Variants in TMEM156 observed in about 807,000 individuals in gnomAD.
TMEM156 encodes the protein transmembrane protein 156.
In TMEM156, 28 loss-of-function variants were observed where a neutral mutation model predicts 30.5. The ratio of observed to expected loss-of-function variants is 0.92; its 90% CI spans 0.68 to 1.26. The LOEUF (loss-of-function observed/expected upper bound fraction) is 1.26. Among genes scored for constraint, TMEM156 ranks in the 50% most tolerant of loss-of-function variants. The probability of loss-of-function intolerance (pLI) is 0.00; values close to 1 mark genes in which losing one functional copy is unlikely to be tolerated. For missense variants in TMEM156, 351 were observed against 340.6 expected, an observed-to-expected ratio of 1.03 and a Z score of -0.24; for synonymous variants, 137 against 119.9, an observed-to-expected ratio of 1.14 and a Z score of -0.93.
intron 5 of TMEM156, among the ~76,000 whole-genome samples, chr4:38,977,147 C>T (rs780477893): frequency 8.5e-5 from 13 of 152,136 alleles, no homozygotes; most frequent in Non-Finnish European, 1.3e-4. Context: ...TCAAGTGATC[C>T]GCCCACCTCG....
chr4:39,017,354 T>G (rs1714569841), intron 1 of TMEM156, among the ~76,000 whole-genome samples: 1 of 150,888 alleles, frequency 6.6e-6, no homozygotes, highest in Admixed American at 6.6e-5. Context: ...TTTTTTGTAT[T>G]TTTTTTAGTA....
At chr4:39,023,982 G>A (rs572722006) in intron 1 of TMEM156, among the ~76,000 whole-genome samples, 125 of 152,342 alleles carry the variant, frequency 8.2e-4, no homozygotes, top group African/African-American at 2.8e-3. Flanking sequence ...GTTGCCTTGG[G>A]GATGCTGGAG....
At chr4:39,016,370 C>T (rs1279077458) in intron 1 of TMEM156, among the ~76,000 whole-genome samples, 1 of 128,050 alleles carries the variant, frequency 7.8e-6, no homozygotes, top group South Asian at 2.9e-4. Flanking sequence ...AAGACTCTGC[C>T]TAAAAAAAAA....
chr4:39,001,492 T>G lies in TMEM156; in HGVS notation c.89-2583A>C, dbSNP rs1427439863. Among the ~76,000 whole-genome samples the G allele has an allele frequency of 2.0e-5, 3 of 151,210 alleles. No individual in the cohort carries two copies. The East Asian group carries it at 5.8e-4, about 29-fold the overall frequency. On this transcript the variant is annotated intron_variant, in intron 1 of 6. Coordinates refer to ENST00000381938, the MANE Select transcript of TMEM156 (RefSeq NM_024943.3). ...ATATAATCATTTGGGGCAAAATATA[T>G]TTTTAAGATTTCTAAATAATATGGA... is the stretch of plus-strand genomic sequence containing the variant.
At chr4:38,988,172 C>G (rs16995036) in intron 4 of TMEM156, among the ~76,000 whole-genome samples, 1 of 152,082 alleles carries the variant, frequency 6.6e-6, no homozygotes, top group East Asian at 1.9e-4. Flanking sequence ...TATTAAAGAT[C>G]GACTCTGCCT....
At chr4:39,023,074 G>C (rs1714974854) in intron 1 of TMEM156, among the ~76,000 whole-genome samples, 1 of 152,200 alleles carries the variant, frequency 6.6e-6, no homozygotes, top group Non-Finnish European at 1.5e-5. Flanking sequence ...GGTCATGAGA[G>C]TGGAGAGCTA....
chr4:38,996,986 G>C (rs1712979586), intron 2 of TMEM156, among the ~76,000 whole-genome samples: 1 of 152,166 alleles, frequency 6.6e-6, no homozygotes, highest in African/African-American at 2.4e-5. Context: ...AATAGACATA[G>C]CTAGGACCCA....
intron 3 of TMEM156, among the ~76,000 whole-genome samples, chr4:38,989,889 T>C (rs9685689): frequency 0.71 from 107,564 of 152,000 alleles, 38,170 homozygotes; most frequent in East Asian, 0.79. Flanking sequence ...AACCTCCACT[T>C]CCCGGGTTCA....
At chr4:38,985,100 G>A (rs1711884057) in intron 5 of TMEM156, among the ~76,000 whole-genome samples, 1 of 152,204 alleles carries the variant, frequency 6.6e-6, no homozygotes, top group South Asian at 2.1e-4. Flanking sequence ...AAGCCCCACA[G>A]AACTGTGTTA....
intron 5 of TMEM156, among the ~76,000 whole-genome samples, chr4:38,984,307 ATCTCTCTCTCTCTCTCTTTCTCTCTG>A (rs1321562955): frequency 7.0e-6 from 1 of 142,318 alleles, no homozygotes; most frequent in East Asian, 2.1e-4. Context: ...GAGCCCATTT[ATCTCTCTCTCTCTCTCTTTCTCTCTG>A]TCTCTCTCTC....
At chr4:38,971,989 A>T (rs1305380361) in intron 5 of TMEM156, among the ~76,000 whole-genome samples, 1 of 151,936 alleles carries the variant, frequency 6.6e-6, no homozygotes. Context: ...GGGTTTCTCC[A>T]TGTTGATCAG....
chr4:38,989,929 G>A (rs1712298228), intron 3 of TMEM156, among the ~76,000 whole-genome samples: 1 of 152,018 alleles, frequency 6.6e-6, no homozygotes, highest in Non-Finnish European at 1.5e-5. Context: ...CCTCCGAGGG[G>A]ATTACAGGTG....
chr4:38,988,884 G>C lies in TMEM156; in HGVS notation c.706C>G (p.Leu236Val), dbSNP rs1347256624. 8 of 1,613,916 alleles carry C rather than the reference G, an allele frequency of 5.0e-6. No homozygotes were observed. Among genetic ancestry groups the C allele is most frequent in the African/African-American group, 2.7e-5 (2 of 74,926 alleles). Reference protein sequence around the residue: ...FLIILTIRKILEGQRRVQKWQ... With the variant: ...FLIILTIRKIVEGQRRVQKWQ... Reference sequence around the variant, plus strand: ...TTTTGCACTCTTCTCTGGCCTTCAAGTATTTTGCGGATAGTGAGGATGATC... The same window carrying C: ...TTTTGCACTCTTCTCTGGCCTTCAACTATTTTGCGGATAGTGAGGATGATC... The change falls in exon 4 of 7, where the codon CTT becomes GTT. Residue 236 changes from leucine to valine, a missense_variant. By Grantham distance (32) the Leu-to-Val change is conservative. Coordinates refer to ENST00000381938, the MANE Select transcript of TMEM156 (RefSeq NM_024943.3).
intron 5 of TMEM156, among the ~76,000 whole-genome samples, chr4:38,974,865 G>A (rs1467664736): frequency 3.3e-5 from 5 of 151,712 alleles, no homozygotes; most frequent in Admixed American, 3.3e-4. Context: ...TAAAGACAGG[G>A]TTTCACCATG....
At chr4:38,970,168 A>G (rs559702737) in intron 6 of TMEM156, among the ~76,000 whole-genome samples, 109 of 145,380 alleles carry the variant, frequency 7.5e-4, no homozygotes, top group African/African-American at 2.7e-3. Context: ...GTGTGTGTGT[A>G]TACATGCATG....
chr4:39,027,514 T>A (rs1206002612), intron 1 of TMEM156, among the ~76,000 whole-genome samples: 1 of 150,514 alleles, frequency 6.6e-6, no homozygotes, highest in East Asian at 1.9e-4. Context: ...TCAAAACAGA[T>A]AAAATTAGGT....
intron 1 of TMEM156, among the ~76,000 whole-genome samples, chr4:39,002,216 G>C (rs1713412852): frequency 6.6e-6 from 1 of 150,778 alleles, no homozygotes; most frequent in Non-Finnish European, 1.5e-5. Context: ...ATCAAAAAGT[G>C]GGCGAAGGAC....
chr4:38,996,667 G>A (rs548412418), intron 2 of TMEM156, among the ~76,000 whole-genome samples: 4 of 152,210 alleles, frequency 2.6e-5, no homozygotes, highest in South Asian at 4.2e-4. Context: ...AAAATGGTCC[G>A]GCTACTATGG....
chr4:39,032,352 A>C lies in TMEM156; in HGVS notation c.-39T>G, dbSNP rs781252445. 7 of 1,287,818 alleles carry C rather than the reference A, an allele frequency of 5.4e-6. No homozygotes were observed. The Admixed American group carries it at 7.3e-5, about 13-fold the overall frequency. The allele number at this position is 1,287,818 out of a possible 1,614,324, so 79.8% of individuals were successfully genotyped here. A position where few individuals can be genotyped will look rare whatever the true frequency, so the allele number is the denominator to read the frequency against. ...ACACAAATGTGTTCCCTTGCAGTAC[A>C]TTCATGGTATGTTGCTTCCTGCTTT... is the stretch of plus-strand genomic sequence containing the variant. On this transcript the variant is annotated 5_prime_UTR_variant, in exon 1 of 7. An upstream start codon of the reference 5' UTR is lost. Coordinates refer to ENST00000381938, the MANE Select transcript of TMEM156 (RefSeq NM_024943.3).
Sources: allele counts gnomAD v4.1 joint callset (sites outside exome capture counted in the v4.1 genomes callset), GRCh38; gene constraint gnomAD v4.1.1; transcripts MANE v1.5; gene names NCBI Gene and HGNC (gene_info 2026-07-23, HGNC 2026-07-21).